BRCA1: variants seen among roughly 807,000 people sequenced by gnomAD.
BRCA1 encodes breast cancer type 1 susceptibility protein.
BRCA1 carries 140 observed loss-of-function variants against 173.7 expected under a neutral mutation model. That is an observed-to-expected ratio of 0.81 (90% CI 0.70 to 0.93). The LOEUF is 0.93. Ranked by LOEUF, BRCA1 falls within the 40% of genes least tolerant of loss-of-function variation. The pLI, the probability that BRCA1 is intolerant of heterozygous loss-of-function variation, is 0.00. For missense variants in BRCA1, 1,983 were observed against 2,172.5 expected (o/e 0.91, Z 1.73); for synonymous variants, 662 against 756.0 (o/e 0.88, Z 2.04).
chr17:43,144,514 G>A (rs902373157), intron 1 of BRCA1, among the ~76,000 whole-genome samples: 39 of 152,228 alleles, frequency 2.6e-4, no homozygotes, highest in African/African-American at 9.4e-4. Context: ...TTTTAGGTCT[G>A]GATGACTAAT....
intron 1 of BRCA1, chr17:43,124,791 C>G (rs968497148): frequency 1.6e-5 from 4 of 256,460 alleles, no homozygotes; most frequent in African/African-American, 9.0e-5. Flanking sequence ...CAGTCTCGCT[C>G]TGTCGCCCAG....
intron 3 of BRCA1, among the ~76,000 whole-genome samples, chr17:43,112,067 GATCT>G (rs2055060238): frequency 6.6e-6 from 1 of 151,626 alleles, no homozygotes; most frequent in African/African-American, 2.4e-5. Context: ...TGAAAAAGTC[GATCT>G]ATCACATGGG....
rs398122701 is a variant in BRCA1, at chr17:43,097,306, C to CA, written c.548-18dup. On this transcript the variant is annotated splice_polypyrimidine_tract_variant and intron_variant, in intron 7 of 22. Transcript: ENST00000357654. ...AATCAGATCCTAAAAAATTTCCCCC[C>CA]AAAAAATAAATCAATAAAAGTTTTC... is the stretch of plus-strand genomic sequence containing the variant. 2.5e-6 allele frequency: 4 copies of CA among 1,606,780 alleles called. No individual in the cohort carries two copies. Among genetic ancestry groups the CA allele is most frequent in the Admixed American group, 1.7e-5 (1 of 59,780 alleles).
chr17:43,135,551 G>A (rs1051725231), intron 1 of BRCA1, among the ~76,000 whole-genome samples: 3 of 152,178 alleles, frequency 2.0e-5, no homozygotes, highest in South Asian at 2.1e-4. Flanking sequence ...GTCTCTGGCC[G>A]GGGCTGTAGC....
chr17:43,110,837 A>C (rs1383736745), intron 3 of BRCA1, among the ~76,000 whole-genome samples: 1 of 152,084 alleles, frequency 6.6e-6, no homozygotes, highest in Non-Finnish European at 1.5e-5. Flanking sequence ...GTGGTGGCTA[A>C]TGCCTGTAAT....
chr17:43,086,310 G>A (rs1239730562), intron 11 of BRCA1, among the ~76,000 whole-genome samples: 2 of 152,114 alleles, frequency 1.3e-5, no homozygotes, highest in African/African-American at 4.8e-5. Flanking sequence ...CAGACAGTAA[G>A]CACTCAGCAA....
intron 7 of BRCA1, 56 bp downstream of exon 7, chr17:43,099,719 T>C: frequency 6.8e-7 from 1 of 1,466,196 alleles, no homozygotes; most frequent in South Asian, 1.1e-5. Flanking sequence ...GGCAAAACTA[T>C]AAGATAAGGA....
At chr17:43,084,257 C>T (rs2053142931) in intron 11 of BRCA1, among the ~76,000 whole-genome samples, 1 of 152,148 alleles carries the variant, frequency 6.6e-6, no homozygotes, top group Admixed American at 6.5e-5. Flanking sequence ...GTCTGGATCT[C>T]CTGACCACAT....
chr17:43,091,316 T>A, intron 10 of BRCA1, 119 bp downstream of exon 10: 1 of 1,326,052 alleles, frequency 7.5e-7, no homozygotes, highest in Non-Finnish European at 1.1e-6. Context: ...GTTTCAAGTT[T>A]AAGAAGCAGT....
At chr17:43,083,221 T>C (rs2053098002) in intron 11 of BRCA1, among the ~76,000 whole-genome samples, 1 of 151,874 alleles carries the variant, frequency 6.6e-6, no homozygotes. Context: ...GTTGGCACCA[T>C]CTCGGCTCAC....
chr17:43,166,041 A>C (rs2056264593), intron 1 of BRCA1: 1 of 150,944 alleles, frequency 6.6e-6, no homozygotes, highest in East Asian at 1.9e-4. Flanking sequence ...TTTTTTCTTA[A>C]CTTTGTATCT....
intron 12 of BRCA1, among the ~76,000 whole-genome samples, chr17:43,076,856 A>C (rs1009570111): frequency 6.6e-6 from 1 of 152,188 alleles, no homozygotes; most frequent in Non-Finnish European, 1.5e-5. Context: ...AGACAGAGTA[A>C]ATAAAGACAC....
chr17:43,125,563 C>G (rs2055845131), upstream of BRCA1: 1 of 304,734 alleles, frequency 3.3e-6, no homozygotes, highest in Non-Finnish European at 6.5e-6. Flanking sequence ...CCCCGGATGA[C>G]GTAAAAGGAA....
intron 11 of BRCA1, among the ~76,000 whole-genome samples, chr17:43,087,664 GAAAAAAA>G (rs1302904943): frequency 1.5e-4 from 10 of 66,934 alleles, no homozygotes; most frequent in African/African-American, 2.7e-4. Context: ...CTCCATCTCA[GAAAAAAA>G]AAAAAAAAAA....
intron 1 of BRCA1, chr17:43,169,922 G>C (rs771640472): frequency 1.3e-4 from 57 of 450,118 alleles, no homozygotes; most frequent in Non-Finnish European, 6.3e-5. Flanking sequence ...TGTTGACGTT[G>C]GCCAGGACCT....
At chr17:43,088,440 G>T (rs1018027255) in intron 11 of BRCA1, among the ~76,000 whole-genome samples, 1 of 151,512 alleles carries the variant, frequency 6.6e-6, no homozygotes, top group Non-Finnish European at 1.5e-5. Flanking sequence ...GTAACCAAAT[G>T]TAACTATTCT....
chr17:43,104,413 T>A (rs1419631703), intron 5 of BRCA1, 152 bp from the exon 6 acceptor site: 12 of 924,040 alleles, frequency 1.3e-5, no homozygotes, highest in South Asian at 7.2e-5. Flanking sequence ...AATCAAATTT[T>A]AAAAAATCAA....
chr17:43,115,232 G>A (rs1259459119), intron 3 of BRCA1, among the ~76,000 whole-genome samples: 9 of 152,178 alleles, frequency 5.9e-5, no homozygotes, highest in Admixed American at 5.2e-4. Context: ...AGTCGGGTGT[G>A]GTGGCTCACG....
rs1388759085 is a variant in BRCA1 at position 43,090,926 on chromosome 17, C to T, written c.4185+18G>A. ...GACACCACACACACGCATGTGCACA[C>T]ACACACACGCTTTTTACCTGAGTGG... is the stretch of plus-strand genomic sequence containing the variant. On this transcript the variant is annotated intron_variant, in intron 11 of 22. Coordinates refer to ENST00000357654, the MANE Select transcript of BRCA1 (RefSeq NM_007294.4). 1 of 1,597,600 alleles carries T rather than the reference C, an allele frequency of 6.3e-7. No individual in the cohort carries two copies. Among genetic ancestry groups the T allele is most frequent in the Admixed American group, 1.7e-5 (1 of 58,632 alleles).
Sources: allele counts gnomAD v4.1 joint callset (sites outside exome capture counted in the v4.1 genomes callset), GRCh38; gene constraint gnomAD v4.1.1; transcripts MANE v1.5; gene names NCBI Gene and HGNC (gene_info 2026-07-23, HGNC 2026-07-21).